The following DCLK3 variants were observed in gnomAD, a reference collection of about 807,000 sequenced individuals.
The protein encoded by DCLK3 is serine/threonine-protein kinase DCLK3.
Under a neutral mutation model 46.4 loss-of-function variants are expected in DCLK3, and 30 were observed. The observed-to-expected ratio is 0.65, with a 90% CI of 0.48 to 0.88. The LOEUF (loss-of-function observed/expected upper bound fraction) is 0.88, where lower values mean the gene tolerates loss of function less well. DCLK3 is among the 40% of genes least tolerant of loss of function. The pLI, the probability that DCLK3 is intolerant of heterozygous loss-of-function variation, is 0.00. For synonymous variants in DCLK3, 401 were observed against 339.2 expected, an observed-to-expected ratio of 1.18 and a Z score of -2.00; for missense variants, 846 against 907.1, an observed-to-expected ratio of 0.93 and a Z score of 0.87.
Position 36,737,955 on chromosome 3 carries a change from A to C in DCLK3, c.1212T>G (p.His404Gln), listed in dbSNP as rs376791959. Reference protein sequence around the residue: ...EDRGPEDQESHAQGAAKAKKD... With the variant: ...EDRGPEDQESQAQGAAKAKKD... ...TCTTGGCCTTGGCTGCTCCCTGAGC[A>C]TGGCTTTCTTGATCCTCTGGGCCTC... Residue 404 changes from histidine (H) to glutamine (Q), a missense_variant, in exon 2 of 5, where the codon CAT (histidine) becomes CAG (glutamine). Transcript: ENST00000636136. This position sits in a 1 kb window ranked among gnomAD's most constrained non-coding sequence, Gnocchi z 4.4. 77 of 1,614,080 alleles carry C rather than the reference A, an allele frequency of 4.8e-5. No individual in the cohort carries two copies. The African/African-American group carries it at 9.6e-4, about 20-fold the overall frequency.
Position 36,738,210 on chromosome 3 carries a change from C to T in DCLK3, c.957G>A (p.Gln319=). The T allele has an allele frequency of 1.2e-6, 2 of 1,609,236 alleles. No homozygotes were observed. The highest frequency in any genetic ancestry group is 1.7e-6 in the Non-Finnish European group (2 of 1,178,658). The change falls in exon 2 of 5, where the codon CAG becomes CAA. Residue 319 remains glutamine, a synonymous_variant. Transcript: ENST00000636136. Reference sequence around the variant, plus strand: ...GAGAAAGCCTCTCACGCTCCAGGCTCTGCTGGAGCTCCCTCTCTCTCTTGC... The same window carrying T: ...GAGAAAGCCTCTCACGCTCCAGGCTTTGCTGGAGCTCCCTCTCTCTCTTGC... ...EKCKRERELQ[Q]SLERERLSLG... is the part of the protein sequence containing the mutation.
intron 1 of DCLK3, among the ~76,000 whole-genome samples, chr3:36,743,827 A>T (rs1366834267): frequency 6.6e-6 from 1 of 151,904 alleles, no homozygotes; most frequent in East Asian, 1.9e-4. Context: ...GGCCCTTCAC[A>T]ATTCCAACCC....
chr3:36,727,476 T>G (rs989356335), intron 2 of DCLK3, among the ~76,000 whole-genome samples: 9 of 152,178 alleles, frequency 5.9e-5, no homozygotes, highest in Non-Finnish European at 1.3e-4. Context: ...CTTTGAAAAT[T>G]TATTATGTTA....
chr3:36,729,611 T>G (rs903352844), intron 2 of DCLK3: 1 of 152,200 alleles, frequency 6.6e-6, no homozygotes, highest in African/African-American at 2.4e-5. Context: ...CAATGGTACC[T>G]CAATTTAAAT....
intron 4 of DCLK3, among the ~76,000 whole-genome samples, chr3:36,717,254 C>G (rs962495019): frequency 2.6e-5 from 4 of 152,118 alleles, no homozygotes; most frequent in African/African-American, 9.7e-5. Flanking sequence ...CAACTGGGAC[C>G]ACCCCTGGCT....
chr3:36,762,117 A>G (rs898744630), intron 1 of DCLK3, among the ~76,000 whole-genome samples: 4 of 152,110 alleles, frequency 2.6e-5, no homozygotes, highest in African/African-American at 9.7e-5. Context: ...CCAAAGAAGC[A>G]CTGATCAGGG....
intron 1 of DCLK3, among the ~76,000 whole-genome samples, chr3:36,742,350 C>T (rs1230524636): frequency 2.6e-5 from 4 of 152,158 alleles, no homozygotes; most frequent in Non-Finnish European, 4.4e-5. Flanking sequence ...TCAAAACTTG[C>T]CCTGATCCCT....
intron 1 of DCLK3, 149 bp from the exon 2 acceptor site, chr3:36,739,233 T>C (rs1174360322): frequency 2.5e-6 from 1 of 394,058 alleles, no homozygotes; most frequent in Non-Finnish European, 4.5e-6. Flanking sequence ...ACAGAGCCTT[T>C]ATACTTAGGT....
chr3:36,722,287 T>C lies in DCLK3; in HGVS notation c.1960-628A>G, dbSNP rs180743945. ...AGAATGAATATGACCTATTATTTGA[T>C]AGAAAAACAGGGTGACTATAGTCAA... On this transcript the variant is annotated intron_variant, in intron 2 of 4. Transcript: ENST00000636136. 2.4e-3 allele frequency among the ~76,000 whole-genome samples: 373 copies of C among 152,268 alleles called. 5 individuals carry two copies. Among genetic ancestry groups the C allele is most frequent in the Non-Finnish European group, 5.0e-4 (34 of 68,026 alleles).
chr3:36,748,147 T>C (rs1184599307), intron 1 of DCLK3, among the ~76,000 whole-genome samples: 2 of 152,136 alleles, frequency 1.3e-5, no homozygotes, highest in Non-Finnish European at 2.9e-5. Context: ...CCAAGATCTG[T>C]TTATCTGTAC....
intron 1 of DCLK3, among the ~76,000 whole-genome samples, chr3:36,755,538 A>C (rs571164570): frequency 1.2e-3 from 180 of 152,344 alleles, no homozygotes; most frequent in African/African-American, 3.9e-3. Flanking sequence ...AAATAATAAC[A>C]AAATAACTTC....
At chr3:36,716,342 A>T (rs1343025900) in intron 4 of DCLK3, among the ~76,000 whole-genome samples, 2 of 152,116 alleles carry the variant, frequency 1.3e-5, no homozygotes, top group Non-Finnish European at 2.9e-5. Context: ...CCAGCTGCTT[A>T]CCCACCAATC....
Position 36,718,118 on chromosome 3 carries a change from C to T in DCLK3, c.2152G>A (p.Gly718Ser). 1 of 1,614,212 alleles carries T rather than the reference C, an allele frequency of 6.2e-7. No homozygotes were observed. Among genetic ancestry groups the T allele is most frequent in the Non-Finnish European group, 8.5e-7 (1 of 1,180,040 alleles). The change falls in exon 4 of 5, where the codon GGC becomes AGC. Residue 718 changes from glycine (G) to serine (S), a missense_variant. Transcript: ENST00000636136. ...AGVILYILLC[G>S]FPPFRSPERD... ...TCAGGGCTGCGGAATGGGGGAAAGC[C>T]ACACAGCAGGATATAGAGGATCACG...
chr3:36,727,670 G>A (rs539988860), intron 2 of DCLK3, among the ~76,000 whole-genome samples: 269 of 152,278 alleles, frequency 1.8e-3, no homozygotes, highest in African/African-American at 6.2e-3. Context: ...GGGGGGCAGC[G>A]GTTAAGATCA....
At chr3:36,754,208 T>C (rs1328824540) in intron 1 of DCLK3, among the ~76,000 whole-genome samples, 1 of 152,266 alleles carries the variant, frequency 6.6e-6, no homozygotes, top group Non-Finnish European at 1.5e-5. Context: ...AGCAAACTTA[T>C]ATGCTAATAC....
In DCLK3 at chr3:36,718,197, G is replaced by A. The variant is rs1335384183; in HGVS notation, c.2093-20C>T. 1.9e-6 allele frequency: 3 copies of A among 1,613,176 alleles called. No individual in the cohort carries two copies. The African/African-American group carries it at 4.0e-5, about 22-fold the overall frequency. On this transcript the variant is annotated intron_variant, in intron 3 of 4. Coordinates refer to ENST00000636136, the MANE Select transcript of DCLK3 (RefSeq NM_001394672.2). ...CATAACCTGCGCAGACAGAGGCAGA[G>A]ACACAAGCAAACCTGAGACCAGGCA...
chr3:36,741,676 C>G (rs772313129), intron 1 of DCLK3, among the ~76,000 whole-genome samples: 1 of 152,122 alleles, frequency 6.6e-6, no homozygotes, highest in East Asian at 1.9e-4. Context: ...GTTGTCCACA[C>G]GGCCGCTGAG....
At chr3:36,750,561 T>C (rs1382837435) in intron 1 of DCLK3, among the ~76,000 whole-genome samples, 1 of 152,176 alleles carries the variant, frequency 6.6e-6, no homozygotes, top group Non-Finnish European at 1.5e-5. Flanking sequence ...AAACTGCTTG[T>C]GTTGAAATAT....
chr3:36,751,081 A>AAAAAAAAAAAC (rs1553612403), intron 1 of DCLK3, among the ~76,000 whole-genome samples: 2 of 151,490 alleles, frequency 1.3e-5, no homozygotes, highest in Non-Finnish European at 2.9e-5. Context: ...AAAAAAAAAA[A>AAAAAAAAAAAC]AAAAACTCCC....
Sources: gnomAD v4.1 joint callset for allele counts (sites outside exome capture counted in the v4.1 genomes callset) on GRCh38, gnomAD v4.1.1 for gene constraint, Gnocchi (gnomAD v3.1) non-coding constraint, MANE v1.5 for transcripts, NCBI Gene and HGNC (gene_info 2026-07-23, HGNC 2026-07-21) for gene names.